Variants in EPHB4 observed in about 807,000 individuals in gnomAD.
The protein encoded by EPHB4 is ephrin type-B receptor 4.
A neutral mutation model predicts 110.6 loss-of-function variants in EPHB4; 50 were observed. The observed-to-expected ratio is 0.45, with a 90% CI of 0.36 to 0.57. The LOEUF (loss-of-function observed/expected upper bound fraction) is 0.57. Among genes scored for constraint, EPHB4 ranks in the 20% least tolerant of loss-of-function variants. The pLI, the probability that EPHB4 is intolerant of heterozygous loss-of-function variation, is 0.00. For missense variants in EPHB4, 1,128 were observed against 1,382.1 expected, an observed-to-expected ratio of 0.82 and a Z score of 2.91; for synonymous variants, 592 against 578.4, an observed-to-expected ratio of 1.02 and a Z score of -0.34.
In EPHB4 at chr7:100,810,898, A is replaced by G. The variant is rs766159174; in HGVS notation, c.2118+1849T>C. Among the ~76,000 whole-genome samples the G allele has an allele frequency of 4.0e-4, 61 of 152,184 alleles. 1 individual carries two copies. Among genetic ancestry groups the G allele is most frequent in the Admixed American group, 1.3e-4 (2 of 15,256 alleles). On this transcript the variant is annotated intron_variant, in intron 12 of 16. Coordinates refer to ENST00000358173, the MANE Select transcript of EPHB4 (RefSeq NM_004444.5). ...TATTCAATGACGCTAGGGAATCGCTATAACTCTGTTCAATGCAATGTTATT... is the reference window on the plus strand; with the variant it reads ...TATTCAATGACGCTAGGGAATCGCTGTAACTCTGTTCAATGCAATGTTATT...
chr7:100,808,114 A>T (rs1283915045), intron 12 of EPHB4, among the ~76,000 whole-genome samples: 1 of 152,220 alleles, frequency 6.6e-6, no homozygotes, highest in Non-Finnish European at 1.5e-5. Context: ...GTAAGCATTC[A>T]GTCTCTCCCA....
intron 7 of EPHB4, 34 bp from the exon 8 acceptor site, chr7:100,817,391 C>A (rs200180829): frequency 5.3e-6 from 8 of 1,513,736 alleles, no homozygotes; most frequent in Non-Finnish European, 8.8e-7. Flanking sequence ...GGCCGTCACC[C>A]GGGAACCCAA....
chr7:100,824,247 T>C lies in EPHB4; in HGVS notation c.79A>G (p.Thr27Ala), dbSNP rs1184391732. ...AATGTCACCCACTTCAGATCAGCAG[T>C]TTCCAATTTTGTGTTCAGCAGGGTC... ...EETLLNTKLE[T>A]ADLKWVTFPQ... The change falls in exon 2 of 17, where the codon ACT becomes GCT. Residue 27 changes from threonine to alanine, a missense_variant. Physicochemically the swap from Thr to Ala is moderately conservative, Grantham distance 58 (BLOSUM62 0). This residue lies in a region of EPHB4 where 728 missense variants were observed against 828.6 expected (regional missense o/e 0.88). Transcript: ENST00000358173. 6.2e-7 allele frequency: 1 copy of C among 1,614,018 alleles called. No homozygotes were observed. The highest frequency in any genetic ancestry group is 8.5e-7 in the Non-Finnish European group (1 of 1,179,960).
Position 100,803,574 on chromosome 7 carries a change from C to A in EPHB4, c.2851G>T (p.Gly951Ter). The A allele has an allele frequency of 6.2e-7, 1 of 1,605,846 alleles. No homozygotes were observed. Among genetic ancestry groups the A allele is most frequent in the Non-Finnish European group, 8.5e-7 (1 of 1,175,056 alleles). Residue 951 changes from glycine to a stop codon, truncating the protein, a stop_gained, in exon 17 of 17, where the codon GGA becomes TGA. Transcript: ENST00000358173. LOFTEE classifies it high-confidence loss of function. ...QISAEDLLRI[G>*]VTLAGHQKKI... ...TTCTGGTGTCCCGCCAGAGTGACTCCGATTCGGAGCAGGTCCCTGCAGAAG... is the reference window on the plus strand; with the variant it reads ...TTCTGGTGTCCCGCCAGAGTGACTCAGATTCGGAGCAGGTCCCTGCAGAAG...
intron 4 of EPHB4, chr7:100,821,068 G>C (rs184863946): frequency 6.8e-6 from 1 of 147,832 alleles, no homozygotes; most frequent in African/African-American, 2.5e-5. Flanking sequence ...TGGAGGTTGC[G>C]GTGAGCTGAG....
At chr7:100,821,062 G>A (rs1289865883) in intron 4 of EPHB4, 1 of 149,080 alleles carries the variant, frequency 6.7e-6, no homozygotes, top group Non-Finnish European at 1.5e-5. Context: ...GGGAGGTGGA[G>A]GTTGCGGTGA....
At chr7:100,816,619 C>T (rs1380161955) in intron 8 of EPHB4, among the ~76,000 whole-genome samples, 1 of 152,010 alleles carries the variant, frequency 6.6e-6, no homozygotes, top group African/African-American at 2.4e-5. Flanking sequence ...CAGGGTGAGC[C>T]ACTGTGCCTG....
chr7:100,816,127 C>G (rs1376435609), intron 8 of EPHB4, among the ~76,000 whole-genome samples: 2 of 151,160 alleles, frequency 1.3e-5, no homozygotes, highest in Non-Finnish European at 3.0e-5. Context: ...GATCGCGCCA[C>G]CGCACTCCAG....
At chr7:100,812,063 T>C (rs940874746) in intron 12 of EPHB4, among the ~76,000 whole-genome samples, 11 of 151,580 alleles carry the variant, frequency 7.3e-5, no homozygotes, top group African/African-American at 1.2e-4. Context: ...TCCCAGCTAC[T>C]GGGGAGGCTA....
At chr7:100,804,327 T>G in intron 16 of EPHB4, among the ~76,000 whole-genome samples, 1 of 143,366 alleles carries the variant, frequency 7.0e-6, no homozygotes, top group South Asian at 2.3e-4. Context: ...TTTTTTTTTT[T>G]TTTTTGAGAT....
chr7:100,814,358 A>C (rs973056137), intron 8 of EPHB4, among the ~76,000 whole-genome samples: 2 of 152,156 alleles, frequency 1.3e-5, no homozygotes, highest in Admixed American at 1.3e-4. Flanking sequence ...AGCTCACTGC[A>C]ATCTCCGCCT....
intron 1 of EPHB4, among the ~76,000 whole-genome samples, chr7:100,826,645 CTT>C (rs1208306254): frequency 1.3e-5 from 2 of 152,012 alleles, no homozygotes; most frequent in African/African-American, 4.8e-5. Context: ...GGGACAGAAA[CTT>C]TGCAGATAGT....
chr7:100,821,254 C>G (rs1370859629), intron 4 of EPHB4: 4 of 151,698 alleles, frequency 2.6e-5, no homozygotes, highest in Admixed American at 1.3e-4. Context: ...GCATGCGCCA[C>G]CATGTCCGGC....
chr7:100,813,129 G>C lies in EPHB4; in HGVS notation c.1836C>G (p.Val612=). ...AVREFAKEID[V]SYVKIEEVIG... ...TCACCTCTTCAATCTTGACGTAGGA[G>C]ACATCGATCTCTTTTGCAAATTCCC... Residue 612 remains valine, a synonymous_variant, in exon 11 of 17, where the codon GTC becomes GTG. Coordinates refer to ENST00000358173, the MANE Select transcript of EPHB4 (RefSeq NM_004444.5). The C allele has an allele frequency of 6.2e-7, 1 of 1,612,696 alleles. No homozygotes were observed. The highest frequency in any genetic ancestry group is 8.5e-7 in the Non-Finnish European group (1 of 1,180,044).
chr7:100,816,398 A>G (rs1432611133), intron 8 of EPHB4, among the ~76,000 whole-genome samples: 2 of 151,262 alleles, frequency 1.3e-5, no homozygotes, highest in African/African-American at 4.9e-5. Flanking sequence ...CACTGGCACA[A>G]TCTCAGCTCA....
chr7:100,807,617 G>C (rs757218819), intron 12 of EPHB4, 37 bp from the exon 13 acceptor site: 7 of 1,585,810 alleles, frequency 4.4e-6, no homozygotes, highest in South Asian at 3.3e-5. Flanking sequence ...GGTGAGGACA[G>C]CCCACCCACC....
intron 16 of EPHB4, 106 bp downstream of exon 16, chr7:100,805,060 C>T: frequency 7.9e-6 from 11 of 1,386,616 alleles, no homozygotes; most frequent in Non-Finnish European, 1.1e-5. Context: ...TGCAAGAAGA[C>T]AGCATTGGCA....
chr7:100,806,207 A>T, intron 14 of EPHB4: 1 of 446,530 alleles, frequency 2.2e-6, no homozygotes, highest in Non-Finnish European at 3.8e-6. Flanking sequence ...TGATCTGCCC[A>T]CCTTGGCCTC....
At position 100,814,127 on chromosome 7, in the gene EPHB4, T is replaced by C; in HGVS notation, c.1589-106A>G. ...TGATCTCCTGAGAACAGGTCCCCAG[T>C]ACAGGGGACAGGTGGAGGGAGAGGA... On this transcript the variant is annotated intron_variant, in intron 8 of 16. Coordinates refer to ENST00000358173, the MANE Select transcript of EPHB4 (RefSeq NM_004444.5). The C allele has an allele frequency of 3.2e-6, 4 of 1,231,678 alleles. No homozygotes were observed. The South Asian group carries it at 5.8e-5, about 18-fold the overall frequency. 76.3% of individuals were successfully genotyped at this position (1,231,678 alleles called of 1,614,324 possible).
Sources: gnomAD v4.1 joint callset for allele counts (sites outside exome capture counted in the v4.1 genomes callset) on GRCh38, gnomAD v4.1.1 for gene constraint, gnomAD v4.1.1 regional missense constraint, MANE v1.5 for transcripts, NCBI Gene and HGNC (gene_info 2026-07-23, HGNC 2026-07-21) for gene names.